EYA2: variants seen among roughly 807,000 people sequenced by gnomAD.
EYA2 encodes protein phosphatase EYA2.
EYA2 carries 31 observed loss-of-function variants against 69.2 expected under a neutral mutation model. The observed-to-expected ratio is 0.45, with a 90% CI of 0.34 to 0.60. The LOEUF (loss-of-function observed/expected upper bound fraction) is 0.60. Ranked by LOEUF, EYA2 falls within the 20% of genes least tolerant of loss-of-function variation. The pLI, the probability that EYA2 is intolerant of heterozygous loss-of-function variation, is 0.02. For synonymous variants in EYA2, 257 were observed against 279.4 expected (o/e 0.92, Z 0.80); for missense variants, 622 against 701.2 (o/e 0.89, Z 1.28).
At chr20:47,083,597 G>A (rs1052530304) in intron 7 of EYA2, among the ~76,000 whole-genome samples, 9 of 132,896 alleles carry the variant, frequency 6.8e-5, no homozygotes, top group Admixed American at 7.7e-5. Context: ...AAAAAAAATC[G>A]TGGAACAACT....
At chr20:47,003,522 A>T (rs991595749) in intron 3 of EYA2, among the ~76,000 whole-genome samples, 2 of 152,242 alleles carry the variant, frequency 1.3e-5, no homozygotes, top group Non-Finnish European at 2.9e-5. Flanking sequence ...GCTTTTCAGG[A>T]GAAGGAAGAC....
chr20:47,018,291 A>T (rs1391344661), intron 5 of EYA2, among the ~76,000 whole-genome samples: 1 of 151,884 alleles, frequency 6.6e-6, no homozygotes, highest in Non-Finnish European at 1.5e-5. Context: ...TATGTAGGAG[A>T]GGCCCCCATT....
At chr20:46,977,698 TA>T (rs1485368795) in intron 1 of EYA2, among the ~76,000 whole-genome samples, 2 of 152,254 alleles carry the variant, frequency 1.3e-5, no homozygotes, top group African/African-American at 4.8e-5. Context: ...CTGATCCATT[TA>T]TCTGCCTTCT....
At chr20:47,036,164 G>A (rs1984697957) in intron 5 of EYA2, among the ~76,000 whole-genome samples, 2 of 152,204 alleles carry the variant, frequency 1.3e-5, no homozygotes, top group Non-Finnish European at 2.9e-5. Context: ...GAGACTCCAA[G>A]GGAGGAAGCG....
chr20:47,149,695 A>AC (rs2033784276), intron 10 of EYA2, among the ~76,000 whole-genome samples: 1 of 72,130 alleles, frequency 1.4e-5, no homozygotes, highest in African/African-American at 3.7e-5. Flanking sequence ...ATACAAAAAA[A>AC]AAAAAAAAAA....
At chr20:47,103,857 G>A (rs1311172552) in intron 9 of EYA2, among the ~76,000 whole-genome samples, 4 of 152,194 alleles carry the variant, frequency 2.6e-5, no homozygotes, top group Non-Finnish European at 5.9e-5. Flanking sequence ...TTATCAGTTG[G>A]ATAGTTGAAG....
At chr20:47,098,086 C>G (rs1211842961) in intron 9 of EYA2, among the ~76,000 whole-genome samples, 1 of 152,156 alleles carries the variant, frequency 6.6e-6, no homozygotes, top group African/African-American at 2.4e-5. Context: ...TTATAACAAG[C>G]TGGATGTGTA....
intron 1 of EYA2, among the ~76,000 whole-genome samples, chr20:46,948,598 A>C (rs1469535396): frequency 2.0e-5 from 3 of 152,246 alleles, no homozygotes; most frequent in Non-Finnish European, 4.4e-5. Context: ...TGTTGAAAGA[A>C]GCCACTGAAA....
At chr20:46,910,259 G>A (rs977059530) in intron 1 of EYA2, among the ~76,000 whole-genome samples, 2 of 152,146 alleles carry the variant, frequency 1.3e-5, no homozygotes, top group South Asian at 2.1e-4. Context: ...AAGCAGGCAC[G>A]ACTTACATGG....
intron 5 of EYA2, among the ~76,000 whole-genome samples, chr20:47,067,238 C>G (rs1890990): frequency 0.2 from 30,930 of 152,056 alleles, 3,355 homozygotes; most frequent in Middle Eastern, 0.26. Context: ...ACACTGCAGT[C>G]AGGAGTCTTC....
intron 1 of EYA2, among the ~76,000 whole-genome samples, chr20:46,946,966 A>G (rs1353629665): frequency 6.6e-6 from 1 of 152,214 alleles, no homozygotes; most frequent in Non-Finnish European, 1.5e-5. Context: ...CTGTTTTGTA[A>G]ATAAAGTTTT....
chr20:46,947,763 G>A (rs185673991), intron 1 of EYA2, among the ~76,000 whole-genome samples: 6 of 152,264 alleles, frequency 3.9e-5, no homozygotes, highest in African/African-American at 1.4e-4. Context: ...GAGTGAAGAA[G>A]TGCAGCCCTA....
At chr20:46,963,574 C>T (rs1033174032) in intron 1 of EYA2, among the ~76,000 whole-genome samples, 2 of 152,212 alleles carry the variant, frequency 1.3e-5, no homozygotes, top group Admixed American at 1.3e-4. Flanking sequence ...AGGGGTCTTC[C>T]ATACTCACTG....
chr20:47,032,305 A>G (rs928110385), intron 5 of EYA2, among the ~76,000 whole-genome samples: 1 of 151,966 alleles, frequency 6.6e-6, no homozygotes, highest in African/African-American at 2.4e-5. Flanking sequence ...TTTTTGTATT[A>G]TTTCCCATTC....
intron 1 of EYA2, among the ~76,000 whole-genome samples, chr20:46,940,867 C>T (rs188713879): frequency 9.2e-5 from 14 of 152,332 alleles, no homozygotes; most frequent in South Asian, 6.2e-4. Flanking sequence ...TTGCCATCCA[C>T]GGGCAACCCG....
intron 1 of EYA2, among the ~76,000 whole-genome samples, chr20:46,954,161 T>C (rs906190221): frequency 3.3e-5 from 5 of 152,202 alleles, no homozygotes; most frequent in Non-Finnish European, 5.9e-5. Context: ...TGCTCAAATA[T>C]CACCTCCTCC....
chr20:47,078,482 A>G lies in EYA2; in HGVS notation c.661+4147A>G, dbSNP rs77939059. ...AGAGGTTTACTGACAGACAGATCACACTCACTGTGTGCACTGCCTGGATAT... is the reference window on the plus strand; with the variant it reads ...AGAGGTTTACTGACAGACAGATCACGCTCACTGTGTGCACTGCCTGGATAT... On this transcript the variant is annotated intron_variant, in intron 7 of 15. Coordinates refer to ENST00000327619, the MANE Select transcript of EYA2 (RefSeq NM_005244.5). 8.2e-3 allele frequency among the ~76,000 whole-genome samples: 1,248 copies of G among 152,274 alleles called. 17 individuals are homozygous for G. The highest frequency in any genetic ancestry group is 0.029 in the African/African-American group (1,200 of 41,554).
chr20:46,896,562 A>G (rs997393424), intron 1 of EYA2, among the ~76,000 whole-genome samples: 2 of 152,160 alleles, frequency 1.3e-5, no homozygotes, highest in Non-Finnish European at 2.9e-5. Context: ...CATCCTTTAC[A>G]TATCTTTGCA....
At chr20:46,946,109 C>G (rs1978437900) in intron 1 of EYA2, among the ~76,000 whole-genome samples, 1 of 152,120 alleles carries the variant, frequency 6.6e-6, no homozygotes, top group South Asian at 2.1e-4. Context: ...CTTGGTTGTC[C>G]TCCTCCAGTG....
Sources: allele counts gnomAD v4.1 joint callset (sites outside exome capture counted in the v4.1 genomes callset), GRCh38; gene constraint gnomAD v4.1.1; transcripts MANE v1.5; gene names NCBI Gene and HGNC (gene_info 2026-07-23, HGNC 2026-07-21).